Variants in CRYBG1 observed in about 807,000 individuals in gnomAD.
The protein encoded by CRYBG1 is crystallin beta-gamma domain containing 1, also known as beta/gamma crystallin domain-containing protein 1.
A neutral mutation model predicts 189.2 loss-of-function variants in CRYBG1; 139 were observed. The ratio of observed to expected loss-of-function variants is 0.73; its 90% CI spans 0.64 to 0.85. The LOEUF (loss-of-function observed/expected upper bound fraction) is 0.85. CRYBG1 is among the 40% of genes least tolerant of loss of function. The pLI is 0.00. For missense variants in CRYBG1, 2,611 were observed against 2,675.8 expected, an observed-to-expected ratio of 0.98 and a Z score of 0.53; for synonymous variants, 1,023 against 1,017.1, an observed-to-expected ratio of 1.01 and a Z score of -0.11.
chr6:106,387,394 G>A (rs187496568), intron 1 of CRYBG1, among the ~76,000 whole-genome samples: 7 of 152,308 alleles, frequency 4.6e-5, no homozygotes, highest in Admixed American at 4.6e-4. Context: ...AGATGGAAGA[G>A]ACTCCGCTCC....
intron 2 of CRYBG1, among the ~76,000 whole-genome samples, chr6:106,493,542 T>C (rs935485751): frequency 6.6e-6 from 1 of 152,220 alleles, no homozygotes; most frequent in Admixed American, 6.5e-5. Context: ...TACACACCCA[T>C]GTTCTCTGCA....
At chr6:106,394,584 G>T (rs1770569761) in intron 1 of CRYBG1, among the ~76,000 whole-genome samples, 1 of 152,160 alleles carries the variant, frequency 6.6e-6, no homozygotes, top group Admixed American at 6.5e-5. Flanking sequence ...AAGCAAGAAA[G>T]GAATAAAGTG....
intron 2 of CRYBG1, among the ~76,000 whole-genome samples, chr6:106,507,413 C>A (rs1773156290): frequency 6.6e-6 from 1 of 152,212 alleles, no homozygotes; most frequent in African/African-American, 2.4e-5. Flanking sequence ...CCCAGGATTG[C>A]ATGTGCTCTG....
In CRYBG1 at chr6:106,519,799, C is replaced by G. The variant is rs751751227; in HGVS notation, c.2591C>G (p.Ser864Cys). ...KPQHTFSDSQ[S>C]PAESSPGPSL... is the part of the protein sequence containing the mutation. ...CAGCATACATTTTCTGACTCACAGT[C>G]CCCTGCTGAGTCATCTCCTGGGCCT... The change falls in exon 4 of 22, where the codon TCC becomes TGC. Residue 864 changes from serine (S) to cysteine (C), a missense_variant. Ser to Cys is a moderately radical substitution (Grantham distance 112, BLOSUM62 -1). This residue lies in a region of CRYBG1 where 1,622 missense variants were observed against 1,735.0 expected (regional missense o/e 0.93). Transcript: ENST00000633556. 43 of 1,614,088 alleles carry G rather than the reference C, an allele frequency of 2.7e-5. No individual in the cohort carries two copies. The highest frequency in any genetic ancestry group is 3.6e-5 in the Non-Finnish European group (42 of 1,180,036).
intron 2 of CRYBG1, among the ~76,000 whole-genome samples, chr6:106,466,566 A>T (rs1418681129): frequency 6.6e-6 from 1 of 152,256 alleles, no homozygotes; most frequent in East Asian, 1.9e-4. Flanking sequence ...ACTTTGTTAC[A>T]TACATTACCG....
At chr6:106,504,649 GTT>G (rs1773090684) in intron 2 of CRYBG1, among the ~76,000 whole-genome samples, 1 of 123,702 alleles carries the variant, frequency 8.1e-6, no homozygotes, top group Non-Finnish European at 1.7e-5. Flanking sequence ...GCGTGTGTGT[GTT>G]TGTGTGTGTG....
chr6:106,514,033 C>T (rs912522169), intron 3 of CRYBG1, among the ~76,000 whole-genome samples: 1 of 152,218 alleles, frequency 6.6e-6, no homozygotes, highest in Non-Finnish European at 1.5e-5. Context: ...AATAACAATA[C>T]AAGATGATAT....
At position 106,553,565 on chromosome 6, in the gene CRYBG1, C is replaced by T. The variant is rs1439482418; in HGVS notation, c.5583C>T (p.Gly1861=). The T allele has an allele frequency of 5.0e-6, 8 of 1,604,294 alleles. No homozygotes were observed. Among genetic ancestry groups the T allele is most frequent in the Non-Finnish European group, 6.8e-6 (8 of 1,171,214 alleles). ...CCAAGTCTTGCAGAGTTTCAGGAGGCAGGTAAGTGAAACAAAGGCCTGGCA... is the reference window on the plus strand; with the variant it reads ...CCAAGTCTTGCAGAGTTTCAGGAGGTAGGTAAGTGAAACAAAGGCCTGGCA... ...FSTKSCRVSG[G]SWVVYDGENF... The change falls in exon 16 of 22, where the codon GGC becomes GGT. Residue 1861 remains glycine (G), a splice_region_variant and synonymous_variant. Transcript: ENST00000633556.
chr6:106,511,512 G>A lies in CRYBG1; in HGVS notation c.395G>A (p.Arg132Lys). Residue 132 changes from arginine (R) to lysine (K), a missense_variant, in exon 3 of 22, where the codon AGA (arginine) becomes AAA (lysine). Physicochemically the swap from Arg to Lys is conservative, Grantham distance 26 (BLOSUM62 2). This residue lies in a region of CRYBG1 where 985 missense variants were observed against 924.4 expected (regional missense o/e 1.07). Coordinates refer to ENST00000633556, the MANE Select transcript of CRYBG1 (RefSeq NM_001371242.2). The stretch of plus-strand genomic sequence containing the variant: ...ACTCTATTCACTGCAGGAAGGAGAA[G>A]AAACAGTAGAAACGGGTTAGAGAGT... ...LGTLFTAGRR[R>K]NSRNGLESPT... is the part of the protein sequence containing the mutation. The A allele has an allele frequency of 6.5e-7, 1 of 1,535,644 alleles. No homozygotes were observed. The highest frequency in any genetic ancestry group is 8.7e-7 in the Non-Finnish European group (1 of 1,146,520).
At chr6:106,450,557 C>T (rs768077343) in intron 1 of CRYBG1, among the ~76,000 whole-genome samples, 23 of 152,154 alleles carry the variant, frequency 1.5e-4, no homozygotes, top group Non-Finnish European at 3.4e-4. Context: ...CAAGGAACAC[C>T]CAAGTCAAAA....
At chr6:106,489,916 A>G (rs1224018678) in intron 2 of CRYBG1, among the ~76,000 whole-genome samples, 3 of 152,154 alleles carry the variant, frequency 2.0e-5, no homozygotes, top group Admixed American at 2.0e-4. Context: ...TCTGTAAATG[A>G]TGCATTGAGT....
At chr6:106,368,613 A>C (rs1769953970) in intron 1 of CRYBG1, among the ~76,000 whole-genome samples, 1 of 152,204 alleles carries the variant, frequency 6.6e-6, no homozygotes, top group Non-Finnish European at 1.5e-5. Flanking sequence ...CCTCATCAAC[A>C]TACCTGTACA....
chr6:106,555,020 C>A (rs1392402564), intron 16 of CRYBG1, among the ~76,000 whole-genome samples: 3 of 151,682 alleles, frequency 2.0e-5, no homozygotes, highest in Non-Finnish European at 2.9e-5. Flanking sequence ...CAAAAATTAG[C>A]CAGGTGTGGT....
chr6:106,483,391 G>GTATATAT (rs1772513172), intron 2 of CRYBG1, among the ~76,000 whole-genome samples: 1 of 100,960 alleles, frequency 9.9e-6, no homozygotes. Context: ...TATATATATA[G>GTATATAT]ATATATATAT....
intron 10 of CRYBG1, among the ~76,000 whole-genome samples, 162 bp from the exon 11 acceptor site, chr6:106,543,278 C>T (rs1044317697): frequency 2.0e-5 from 3 of 152,336 alleles, no homozygotes; most frequent in African/African-American, 4.8e-5. Context: ...GATCCACCTA[C>T]CTCAGCCTCG....
intron 1 of CRYBG1, among the ~76,000 whole-genome samples, chr6:106,429,554 A>T (rs1001614359): frequency 6.6e-6 from 1 of 152,224 alleles, no homozygotes; most frequent in Non-Finnish European, 1.5e-5. Context: ...TTGCTGTGGG[A>T]TATATTCCTT....
At position 106,561,386 on chromosome 6, in the gene CRYBG1, C is replaced by T. The variant is rs1774714176; in HGVS notation, c.6024C>T (p.Phe2008=). The change falls in exon 20 of 22, where the codon TTC becomes TTT. Residue 2008 remains phenylalanine (F), a synonymous_variant. Coordinates refer to ENST00000633556, the MANE Select transcript of CRYBG1 (RefSeq NM_001371242.2). ...TTCGAAACAAAGCAACAGGGTTATT[C>T]ATGTCAACCAATGGAAACTTAGAGG... ...FRLRNKATGL[F]MSTNGNLEDL... is the part of the protein sequence containing the mutation. 6.2e-7 allele frequency: 1 copy of T among 1,614,116 alleles called. No individual in the cohort carries two copies.
chr6:106,361,912 A>C (rs1305256549), intron 1 of CRYBG1, among the ~76,000 whole-genome samples: 1 of 143,676 alleles, frequency 7.0e-6, no homozygotes, highest in Non-Finnish European at 1.5e-5. Flanking sequence ...TGAGGGCCAG[A>C]ATAAAATTGT....
intron 2 of CRYBG1, among the ~76,000 whole-genome samples, chr6:106,456,460 C>A (rs1562312201): frequency 6.6e-6 from 1 of 152,098 alleles, no homozygotes; most frequent in African/African-American, 2.4e-5. Context: ...CTACACCTGG[C>A]CTTAACAGCA....
Sources: allele counts gnomAD v4.1 joint callset (sites outside exome capture counted in the v4.1 genomes callset), GRCh38; gene constraint gnomAD v4.1.1; regional missense constraint gnomAD v4.1.1; transcripts MANE v1.5; gene names NCBI Gene and HGNC (gene_info 2026-07-23, HGNC 2026-07-21).